Variants in LRRC4C observed in about 807,000 individuals in gnomAD.
LRRC4C encodes leucine rich repeat containing 4C.
Under a neutral mutation model 33.6 loss-of-function variants are expected in LRRC4C, and 5 were observed. The ratio of observed to expected loss-of-function variants is 0.15; its 90% CI spans 0.08 to 0.31. The LOEUF (loss-of-function observed/expected upper bound fraction) is 0.31, where lower values mean the gene tolerates loss of function less well. Among genes scored for constraint, LRRC4C ranks in the 10% least tolerant of loss-of-function variants. The pLI is 1.00. For synonymous variants in LRRC4C, 329 were observed against 302.0 expected (o/e 1.09, Z -0.93); for missense variants, 560 against 796.7 (o/e 0.70, Z 3.58).
chr11:40,135,165 T>C (rs942002046), intron 6 of LRRC4C, among the ~76,000 whole-genome samples: 1 of 152,198 alleles, frequency 6.6e-6, no homozygotes, highest in Non-Finnish European at 1.5e-5. Flanking sequence ...TGGAAATGAC[T>C]GGAATCAGTG....
chr11:40,786,322 A>G (rs943995741), intron 2 of LRRC4C, among the ~76,000 whole-genome samples: 1 of 152,146 alleles, frequency 6.6e-6, no homozygotes, highest in Non-Finnish European at 1.5e-5. Context: ...ATATGACTTG[A>G]GCAGATGCTT....
intron 3 of LRRC4C, among the ~76,000 whole-genome samples, chr11:40,530,539 G>C (rs1445689689): frequency 6.6e-6 from 1 of 152,122 alleles, no homozygotes; most frequent in Non-Finnish European, 1.5e-5. Flanking sequence ...TTAGCACAGA[G>C]CCTATGCTCA....
intron 1 of LRRC4C, among the ~76,000 whole-genome samples, chr11:41,424,766 C>A (rs1954983135): frequency 6.6e-6 from 1 of 151,934 alleles, no homozygotes; most frequent in South Asian, 2.1e-4. Flanking sequence ...GAAGAAAGGT[C>A]AAAAAGCTAT....
intron 1 of LRRC4C, among the ~76,000 whole-genome samples, chr11:40,988,360 TACTC>T (rs1853226044): frequency 6.6e-6 from 1 of 152,162 alleles, no homozygotes; most frequent in Non-Finnish European, 1.5e-5. Flanking sequence ...TTCTTGAAGT[TACTC>T]AGTCTAAGTT....
intron 1 of LRRC4C, among the ~76,000 whole-genome samples, chr11:41,013,864 G>A (rs920994556): frequency 1.3e-5 from 2 of 152,150 alleles, no homozygotes; most frequent in African/African-American, 4.8e-5. Context: ...GAAGGTGAAG[G>A]GGAAGCAGGC....
chr11:40,614,112 T>C (rs1402274881), intron 3 of LRRC4C, among the ~76,000 whole-genome samples: 1 of 151,850 alleles, frequency 6.6e-6, no homozygotes, highest in African/African-American at 2.4e-5. Context: ...AGTCAGCCTG[T>C]CCCTTGAAGC....
chr11:41,120,548 C>G (rs1366258645), intron 1 of LRRC4C, among the ~76,000 whole-genome samples: 1 of 152,096 alleles, frequency 6.6e-6, no homozygotes, highest in Non-Finnish European at 1.5e-5. Context: ...TTCTTGTGCT[C>G]CTCACTGTTG....
intron 3 of LRRC4C, among the ~76,000 whole-genome samples, chr11:40,363,396 G>A (rs1341815618): frequency 6.6e-6 from 1 of 152,042 alleles, no homozygotes; most frequent in Non-Finnish European, 1.5e-5. Context: ...AACACACACT[G>A]GGGCCTATTG....
chr11:40,722,333 T>A (rs1383563417), intron 2 of LRRC4C, among the ~76,000 whole-genome samples: 3 of 152,196 alleles, frequency 2.0e-5, no homozygotes, highest in Non-Finnish European at 4.4e-5. Flanking sequence ...CACTGAATAT[T>A]AAGGAGGTAC....
intron 3 of LRRC4C, among the ~76,000 whole-genome samples, chr11:40,505,059 T>A (rs1954965699): frequency 6.6e-6 from 1 of 152,198 alleles, no homozygotes; most frequent in South Asian, 2.1e-4. Flanking sequence ...TCATACTCTC[T>A]TACCTCGTCC....
chr11:40,341,584 G>A (rs1282423424), intron 3 of LRRC4C, among the ~76,000 whole-genome samples: 1 of 152,110 alleles, frequency 6.6e-6, no homozygotes, highest in Non-Finnish European at 1.5e-5. Flanking sequence ...TATACCTAAT[G>A]TTAAATGACG....
intron 1 of LRRC4C, among the ~76,000 whole-genome samples, chr11:41,412,728 T>C (rs1954535006): frequency 6.6e-6 from 1 of 152,164 alleles, no homozygotes; most frequent in Non-Finnish European, 1.5e-5. Context: ...TAGAACTCAG[T>C]CTGTGTACTA....
chr11:40,351,226 T>C (rs576979917), intron 3 of LRRC4C, among the ~76,000 whole-genome samples: 10 of 152,146 alleles, frequency 6.6e-5, no homozygotes, highest in Admixed American at 3.9e-4. Flanking sequence ...TCTCTTGTTA[T>C]GATGATTTCT....
chr11:40,916,584 T>C (rs1956969458), intron 2 of LRRC4C, among the ~76,000 whole-genome samples: 1 of 152,000 alleles, frequency 6.6e-6, no homozygotes, highest in Non-Finnish European at 1.5e-5. Flanking sequence ...CATTAGGAGA[T>C]ATATCTAATG....
chr11:40,673,106 GT>G (rs769608891), intron 2 of LRRC4C, among the ~76,000 whole-genome samples: 3 of 151,444 alleles, frequency 2.0e-5, no homozygotes, highest in East Asian at 1.9e-4. Flanking sequence ...AGTCATGCAT[GT>G]TTTTTTTGGT....
intron 3 of LRRC4C, among the ~76,000 whole-genome samples, chr11:40,632,612 G>C (rs1565580040): frequency 6.6e-6 from 1 of 152,210 alleles, no homozygotes; most frequent in Non-Finnish European, 1.5e-5. Context: ...ATACTGTACA[G>C]AGAAATTAAA....
chr11:40,428,494 T>C (rs946477750), intron 3 of LRRC4C, among the ~76,000 whole-genome samples: 7 of 152,216 alleles, frequency 4.6e-5, no homozygotes, highest in African/African-American at 1.7e-4. Flanking sequence ...ATTTCCCATC[T>C]AGCTGGAAGT....
In LRRC4C at chr11:41,162,721, C is replaced by A. The variant is rs888585448; in HGVS notation, c.-495-228998G>T. 8.5e-5 allele frequency among the ~76,000 whole-genome samples: 13 copies of A among 152,236 alleles called. No homozygotes were observed. In the East Asian group the frequency reaches 2.5e-3, roughly 29 times the overall value. ...TAAAAAATAGTACAACTGTATCAGG[C>A]ACTTTCCATGAATGGAGCTTGCAGG... On this transcript the variant is annotated intron_variant, in intron 1 of 6. Transcript: ENST00000528697.
At chr11:40,454,571 T>G (rs1952046095) in intron 3 of LRRC4C, among the ~76,000 whole-genome samples, 1 of 152,172 alleles carries the variant, frequency 6.6e-6, no homozygotes, top group Admixed American at 6.5e-5. Flanking sequence ...CAACAACTTC[T>G]TAGCTCTCTG....
Sources: gnomAD v4.1 joint callset for allele counts (sites outside exome capture counted in the v4.1 genomes callset) on GRCh38, gnomAD v4.1.1 for gene constraint, MANE v1.5 for transcripts, NCBI Gene and HGNC (gene_info 2026-07-23, HGNC 2026-07-21) for gene names.